The following TYW1B variants were observed in gnomAD, a reference collection of about 807,000 sequenced individuals.
TYW1B encodes S-adenosyl-L-methionine-dependent tRNA 4-demethylwyosine synthase TYW1B.
In TYW1B, 73 loss-of-function variants were observed where a neutral mutation model predicts 86.9. The ratio of observed to expected loss-of-function variants is 0.84; its 90% CI spans 0.70 to 1.02. The LOEUF (loss-of-function observed/expected upper bound fraction) is 1.02. Ranked by LOEUF, TYW1B falls within the 50% of genes least tolerant of loss-of-function variation. The pLI is 0.00. For synonymous variants in TYW1B, 248 were observed against 292.8 expected (o/e 0.85, Z 1.56); for missense variants, 637 against 827.4 (o/e 0.77, Z 2.82).
intron 13 of TYW1B, among the ~76,000 whole-genome samples, chr7:72,603,716 T>G (rs1450317611): frequency 3.4e-5 from 5 of 147,264 alleles, no homozygotes; most frequent in African/African-American, 4.8e-5. Flanking sequence ...TGCGTGTCCT[T>G]GACATGATGT....
chr7:72,777,299 G>A (rs1443424606), intron 7 of TYW1B, 117 bp downstream of exon 7: 2 of 1,231,790 alleles, frequency 1.6e-6, no homozygotes, highest in Non-Finnish European at 2.3e-6. Context: ...TCTTTAGACT[G>A]TTATATCTGC....
intron 6 of TYW1B, among the ~76,000 whole-genome samples, chr7:72,780,846 T>C (rs1788038921): frequency 6.6e-6 from 1 of 152,126 alleles, no homozygotes; most frequent in African/African-American, 2.4e-5. Flanking sequence ...GGGAGTTTAA[T>C]GCACCATTCA....
At chr7:72,711,271 C>T (rs1554454715) in intron 10 of TYW1B, among the ~76,000 whole-genome samples, 4 of 152,160 alleles carry the variant, frequency 2.6e-5, no homozygotes, top group South Asian at 2.1e-4. Context: ...ACACACCTCT[C>T]CCTCCCAGAT....
chr7:72,610,050 T>C (rs1299035659), intron 13 of TYW1B, among the ~76,000 whole-genome samples: 3 of 152,162 alleles, frequency 2.0e-5, no homozygotes, highest in Non-Finnish European at 4.4e-5. Context: ...TAGCTTGAGA[T>C]AGTTCCCAGT....
intron 13 of TYW1B, among the ~76,000 whole-genome samples, chr7:72,596,148 C>A (rs1554432535): frequency 1.5e-5 from 2 of 135,048 alleles, no homozygotes; most frequent in Non-Finnish European, 3.1e-5. Flanking sequence ...TGCACTCCAT[C>A]CTGGGCAACA....
At chr7:72,603,621 T>C (rs1461860813) in intron 13 of TYW1B, among the ~76,000 whole-genome samples, 1 of 152,138 alleles carries the variant, frequency 6.6e-6, no homozygotes, top group Admixed American at 6.5e-5. Flanking sequence ...AGGCAGTAAT[T>C]TGACAGTGGA....
At position 72,682,077 on chromosome 7, in the gene TYW1B, T is replaced by C. The variant is rs193164411; in HGVS notation, c.1506+12610A>G. 4.8e-3 allele frequency among the ~76,000 whole-genome samples: 728 copies of C among 151,110 alleles called. 3 individuals carry two copies. The highest frequency in any genetic ancestry group is 0.01 in the Middle Eastern group (3 of 290). On this transcript the variant is annotated intron_variant, in intron 11 of 13. Coordinates refer to ENST00000620995, the MANE Select transcript of TYW1B (RefSeq NM_001145440.3). ...ATTTGTAGTAGAGATGGGGTTTCAC[T>C]GTGTTGGCCAGGCTGGTCTCAAACT... is the stretch of plus-strand genomic sequence containing the variant.
intron 10 of TYW1B, among the ~76,000 whole-genome samples, chr7:72,712,335 T>C (rs1453225301): frequency 1.3e-5 from 2 of 152,138 alleles, no homozygotes; most frequent in Non-Finnish European, 2.9e-5. Flanking sequence ...TCCAATAGCA[T>C]CTTTTTTTTT....
At chr7:72,756,291 G>A (rs533534050) in intron 7 of TYW1B, among the ~76,000 whole-genome samples, 10 of 151,240 alleles carry the variant, frequency 6.6e-5, no homozygotes, top group African/African-American at 2.4e-4. Flanking sequence ...CTGGAATGCG[G>A]TGGCATGATC....
At chr7:72,705,332 ACAAAG>A (rs1319879220) in intron 10 of TYW1B, among the ~76,000 whole-genome samples, 1 of 152,260 alleles carries the variant, frequency 6.6e-6, no homozygotes, top group African/African-American at 2.4e-5. Flanking sequence ...GAGAAAAAAC[ACAAAG>A]CAAACAAAAC....
intron 11 of TYW1B, among the ~76,000 whole-genome samples, chr7:72,664,431 T>A (rs1191221386): frequency 6.6e-6 from 1 of 152,136 alleles, no homozygotes; most frequent in Non-Finnish European, 1.5e-5. Flanking sequence ...GCAAAGTACC[T>A]TGCAGACATA....
intron 11 of TYW1B, among the ~76,000 whole-genome samples, chr7:72,690,312 AGG>A (rs1814116095): frequency 6.6e-6 from 1 of 151,924 alleles, no homozygotes; most frequent in African/African-American, 2.4e-5. Flanking sequence ...TTTTAAAAAA[AGG>A]ACTGTTTGAC....
chr7:72,593,064 A>T (rs1811433502), intron 13 of TYW1B, among the ~76,000 whole-genome samples: 1 of 152,128 alleles, frequency 6.6e-6, no homozygotes. Context: ...GCACTTTGGG[A>T]GGCCAAGGCA....
intron 3 of TYW1B, among the ~76,000 whole-genome samples, chr7:72,811,766 G>C (rs1788623689): frequency 6.6e-6 from 1 of 151,530 alleles, no homozygotes; most frequent in African/African-American, 2.4e-5. Flanking sequence ...ACAAAAACTA[G>C]GCAGGCGTGG....
chr7:72,717,677 ACT>A (rs1554456440), intron 9 of TYW1B, among the ~76,000 whole-genome samples: 2 of 143,300 alleles, frequency 1.4e-5, no homozygotes, highest in Non-Finnish European at 3.1e-5. Context: ...ACACACACAC[ACT>A]CTAATTCTCT....
intron 3 of TYW1B, among the ~76,000 whole-genome samples, chr7:72,813,171 CTTTT>C (rs782128548): frequency 2.4e-5 from 3 of 123,770 alleles, no homozygotes; most frequent in African/African-American, 6.2e-5. Context: ...CATACTTCTT[CTTTT>C]TTTTTTTTTT....
chr7:72,816,829 G>A (rs190858074), intron 2 of TYW1B, among the ~76,000 whole-genome samples: 25 of 152,270 alleles, frequency 1.6e-4, no homozygotes, highest in South Asian at 8.3e-4. Context: ...GAGAAGACAC[G>A]GCCAGAAACG....
At chr7:72,625,207 A>G (rs1563035120) in intron 12 of TYW1B, among the ~76,000 whole-genome samples, 2 of 152,188 alleles carry the variant, frequency 1.3e-5, no homozygotes, top group Non-Finnish European at 2.9e-5. Context: ...TTCACATAAA[A>G]TTTTTCATCT....
chr7:72,653,596 G>A (rs1223730961), intron 11 of TYW1B, among the ~76,000 whole-genome samples: 4 of 104,926 alleles, frequency 3.8e-5, no homozygotes, highest in Non-Finnish European at 7.8e-5. Context: ...GACAGAGCGA[G>A]ACTCCGTCTC....
Sources: allele counts gnomAD v4.1 joint callset (sites outside exome capture counted in the v4.1 genomes callset), GRCh38; gene constraint gnomAD v4.1.1; transcripts MANE v1.5; gene names NCBI Gene and HGNC (gene_info 2026-07-23, HGNC 2026-07-21).